ZPBP: variants seen among roughly 807,000 people sequenced by gnomAD.
The protein encoded by ZPBP is zona pellucida binding protein.
ZPBP carries 26 observed loss-of-function variants against 44.8 expected under a neutral mutation model. That is an observed-to-expected ratio of 0.58 (90% CI 0.43 to 0.81). The LOEUF (loss-of-function observed/expected upper bound fraction) is 0.81. ZPBP is among the 30% of genes least tolerant of loss of function. The probability of loss-of-function intolerance (pLI) is 0.00; values close to 1 mark genes in which losing one functional copy is unlikely to be tolerated. For synonymous variants in ZPBP, 174 were observed against 153.2 expected (o/e 1.14, Z -1.00); for missense variants, 409 against 434.0 (o/e 0.94, Z 0.51).
chr7:49,877,188 G>A lies in ZPBP; in HGVS notation n.509+23930C>T, dbSNP rs545149157. 5.3e-5 allele frequency among the ~76,000 whole-genome samples: 8 copies of A among 151,952 alleles called. No individual in the cohort carries two copies. In the South Asian group the frequency reaches 6.2e-4, roughly 12 times the overall value. ...CAAAAATATTTATTTGGGGCCGGGC[G>A]TAATGGCTCATGCCTGTAATCCCAG... On this transcript the variant is annotated intron_variant and non_coding_transcript_variant, in intron 2 of 2. Coordinates refer to the ZPBP transcript ENST00000465922.
intron 1 of ZPBP, among the ~76,000 whole-genome samples, chr7:49,924,897 C>G (rs6976931): frequency 0.75 from 113,415 of 152,134 alleles, 42,532 homozygotes; most frequent in East Asian, 0.88. Flanking sequence ...ATCCCAGACC[C>G]ACCAACAGGC....
intron 7 of ZPBP, among the ~76,000 whole-genome samples, chr7:49,962,095 T>C (rs1294495078): frequency 6.6e-6 from 1 of 151,842 alleles, no homozygotes; most frequent in Non-Finnish European, 1.5e-5. Context: ...AATTTAAATT[T>C]TACATAAACC....
At chr7:50,015,304 G>T (rs1218973934) in intron 6 of ZPBP, among the ~76,000 whole-genome samples, 1 of 152,078 alleles carries the variant, frequency 6.6e-6, no homozygotes, top group Non-Finnish European at 1.5e-5. Flanking sequence ...AAGCTTCATT[G>T]TTTGGAAGCT....
At chr7:50,063,866 G>A (rs1039949212) in intron 3 of ZPBP, among the ~76,000 whole-genome samples, 1 of 152,022 alleles carries the variant, frequency 6.6e-6, no homozygotes, top group Admixed American at 6.5e-5. Flanking sequence ...ATGTTTCATT[G>A]GTTATAATTT....
chr7:50,025,507 A>C (rs1163569572), intron 5 of ZPBP, among the ~76,000 whole-genome samples: 1 of 151,928 alleles, frequency 6.6e-6, no homozygotes, highest in Non-Finnish European at 1.5e-5. Context: ...GATCATTCAC[A>C]AAGGAAAAAA....
intron 1 of ZPBP, among the ~76,000 whole-genome samples, chr7:50,090,872 T>A (rs1392172157): frequency 6.6e-6 from 1 of 152,162 alleles, no homozygotes; most frequent in East Asian, 1.9e-4. Flanking sequence ...TACTTTCAGT[T>A]CTTTAGGGAA....
chr7:50,044,917 A>G (rs1300310337), intron 4 of ZPBP, among the ~76,000 whole-genome samples: 1 of 150,884 alleles, frequency 6.6e-6, no homozygotes, highest in African/African-American at 2.4e-5. Flanking sequence ...TCAATAAAAT[A>G]CTGTCCAGCA....
chr7:49,953,506 T>C (rs1469905061), intron 7 of ZPBP, among the ~76,000 whole-genome samples: 1 of 152,128 alleles, frequency 6.6e-6, no homozygotes, highest in Non-Finnish European at 1.5e-5. Context: ...ACCTCTGGAC[T>C]GAATATTGAA....
At chr7:49,972,847 A>C (rs1796354610) in intron 7 of ZPBP, among the ~76,000 whole-genome samples, 1 of 152,106 alleles carries the variant, frequency 6.6e-6, no homozygotes. Context: ...CAGTAATAAA[A>C]ACAGTGTGAT....
chr7:49,847,439 C>A (rs1267579734), downstream of ZPBP, among the ~76,000 whole-genome samples: 1 of 152,028 alleles, frequency 6.6e-6, no homozygotes, highest in Non-Finnish European at 1.5e-5. Flanking sequence ...TTGCAGGGAT[C>A]CCTGACCATT....
intron 1 of ZPBP, among the ~76,000 whole-genome samples, chr7:49,902,533 T>C (rs1792817058): frequency 7.4e-6 from 1 of 134,644 alleles, no homozygotes; most frequent in Non-Finnish European, 1.6e-5. Flanking sequence ...AATGACACTG[T>C]AACAATTGGA....
chr7:49,977,149 T>G (rs1796566487), intron 7 of ZPBP, among the ~76,000 whole-genome samples: 1 of 97,890 alleles, frequency 1.0e-5, no homozygotes, highest in South Asian at 3.2e-4. Flanking sequence ...ATGTATCTAT[T>G]TAAGGAAAAT....
intron 3 of ZPBP, among the ~76,000 whole-genome samples, chr7:50,074,971 A>G (rs1802011200): frequency 6.6e-6 from 1 of 151,868 alleles, no homozygotes; most frequent in Admixed American, 6.6e-5. Flanking sequence ...AATACACATT[A>G]TTTTCCTCAG....
At chr7:49,967,428 C>T (rs1022131752) in intron 7 of ZPBP, among the ~76,000 whole-genome samples, 2 of 152,092 alleles carry the variant, frequency 1.3e-5, no homozygotes, top group Non-Finnish European at 2.9e-5. Flanking sequence ...GAGTCTCATC[C>T]ATACAAGACT....
At chr7:49,987,962 G>A (rs891140361) in intron 6 of ZPBP, among the ~76,000 whole-genome samples, 4 of 152,004 alleles carry the variant, frequency 2.6e-5, no homozygotes, top group Non-Finnish European at 5.9e-5. Flanking sequence ...TTTTACCTAG[G>A]GTTAAAGGAC....
In ZPBP at chr7:49,911,480, C is replaced by CAAA. The variant is rs34782644; in HGVS notation, n.412-10268_412-10266dup. Among the ~76,000 whole-genome samples, 383 of 71,040 alleles carry CAAA rather than the reference C, an allele frequency of 5.4e-3. 11 individuals are homozygous for CAAA. The highest frequency in any genetic ancestry group is 0.015 in the African/African-American group (245 of 16,034). 46.6% of individuals were successfully genotyped at this position (71,040 alleles called of 152,430 possible). A position where few individuals can be genotyped will look rare whatever the true frequency, so the allele number is the denominator to read the frequency against. On this transcript the variant is annotated intron_variant and non_coding_transcript_variant, in intron 1 of 2. Transcript: ENST00000465922. ...CTGGTGACAGAGCAAGACTCTGTCT[C>CAAA]AAAAAAAAAAAAAAAAAAAAAAATT...
intron 7 of ZPBP, among the ~76,000 whole-genome samples, chr7:49,976,208 A>G (rs1796510797): frequency 6.6e-6 from 1 of 152,176 alleles, no homozygotes; most frequent in Non-Finnish European, 1.5e-5. Flanking sequence ...TTGCGTAGTC[A>G]ATATTTATTT....
chr7:50,081,862 G>C lies in ZPBP; in HGVS notation c.246C>G (p.His82Gln). 2 of 1,611,298 alleles carry C rather than the reference G, an allele frequency of 1.2e-6. No homozygotes were observed. The highest frequency in any genetic ancestry group is 1.7e-6 in the Non-Finnish European group (2 of 1,178,096). ...AYVMLHQKSP[H>Q]VLCVTQQLRN... ...GCAGTTGTTGCGTTACACATAACAC[G>C]TGTGGACTCTTTTGATGGAGCATGA... The change falls in exon 3 of 8, where the codon CAC (histidine) becomes CAG (glutamine). Residue 82 changes from histidine (H) to glutamine (Q), a missense_variant. Physicochemically the swap from His to Gln is conservative, Grantham distance 24. This residue lies in a region of ZPBP where 367 missense variants were observed against 363.1 expected (regional missense o/e 1.01). Coordinates refer to ENST00000046087, the MANE Select transcript of ZPBP (RefSeq NM_007009.3).
chr7:49,974,231 T>C (rs935574643), intron 7 of ZPBP, among the ~76,000 whole-genome samples: 1 of 152,148 alleles, frequency 6.6e-6, no homozygotes, highest in African/African-American at 2.4e-5. Context: ...TTGCACAATA[T>C]TGTGAATGTA....
Sources: allele counts gnomAD v4.1 joint callset (sites outside exome capture counted in the v4.1 genomes callset), GRCh38; gene constraint gnomAD v4.1.1; regional missense constraint gnomAD v4.1.1; transcripts MANE v1.5; gene names NCBI Gene and HGNC (gene_info 2026-07-23, HGNC 2026-07-21).